AFF2: variants seen among roughly 807,000 people sequenced by gnomAD.
The protein encoded by AFF2 is AF4/FMR2 family member 2.
In AFF2, 14 loss-of-function variants were observed where a neutral mutation model predicts 76.9. The ratio of observed to expected loss-of-function variants is 0.18; its 90% CI spans 0.12 to 0.28. The LOEUF (loss-of-function observed/expected upper bound fraction) is 0.28, where lower values mean the gene tolerates loss of function less well. Among genes scored for constraint, AFF2 ranks in the 10% least tolerant of loss-of-function variants. The probability of loss-of-function intolerance (pLI) is 1.00; values close to 1 mark genes in which losing one functional copy is unlikely to be tolerated. For synonymous variants in AFF2, 398 were observed against 366.7 expected (o/e 1.09, Z -0.98); for missense variants, 868 against 1,001.1 (o/e 0.87, Z 1.79).
rs1242825974 is a variant in AFF2, at chrX:148,996,589, A to G, written c.*5257A>G. ...CACACACACAAACTCACCCTTACAC[A>G]CACACTTCGATGACTAAAACAATTA... On this transcript the variant is annotated 3_prime_UTR_variant, in exon 21 of 21. Transcript: ENST00000370460. The G allele has an allele frequency of 8.9e-6, 1 of 112,280 alleles. No homozygotes were observed. The highest frequency in any genetic ancestry group is 2.8e-4 in the East Asian group (1 of 3,575). The allele number at this position is 112,280 out of a possible 1,213,427, so 9.3% of individuals were successfully genotyped here. A position where few individuals can be genotyped will look rare whatever the true frequency, so the allele number is the denominator to read the frequency against.
At chrX:148,744,448 T>A (rs1190609780) in intron 3 of AFF2, among the ~76,000 whole-genome samples, 1 of 112,378 alleles carries the variant, frequency 8.9e-6, no homozygotes, top group East Asian at 2.8e-4. Flanking sequence ...AATGTTTTGG[T>A]TTATTTCCTT....
In AFF2 at chrX:148,997,107, A is replaced by T. The variant is rs1178303382; in HGVS notation, c.*5775A>T. ...TTGTTAACATTTGTTTTTAGTTAAA[A>T]GTATCTACTTACTGTTTTAGCTCTG... is the stretch of plus-strand genomic sequence containing the variant. On this transcript the variant is annotated 3_prime_UTR_variant, in exon 21 of 21. Coordinates refer to ENST00000370460, the MANE Select transcript of AFF2 (RefSeq NM_002025.4). 8.9e-6 allele frequency: 1 copy of T among 112,281 alleles called. No homozygotes were observed. The highest frequency in any genetic ancestry group is 1.9e-5 in the Non-Finnish European group (1 of 53,212). The allele number at this position is 112,281 out of a possible 1,213,427, so 9.3% of individuals were successfully genotyped here.
At chrX:148,655,895 G>A (rs918054574) in intron 2 of AFF2, among the ~76,000 whole-genome samples, 1 of 111,660 alleles carries the variant, frequency 9.0e-6, no homozygotes, top group African/African-American at 3.3e-5. Flanking sequence ...CCCTAAGATA[G>A]CAGTGGGAGT....
At chrX:148,706,525 T>G (rs782069560) in intron 3 of AFF2, among the ~76,000 whole-genome samples, 2 of 112,551 alleles carry the variant, frequency 1.8e-5, no homozygotes, top group Admixed American at 9.4e-5. Context: ...TACCTTCACT[T>G]TATTGGAGTT....
chrX:148,814,920 C>T (rs899869493), intron 4 of AFF2, among the ~76,000 whole-genome samples: 2 of 111,658 alleles, frequency 1.8e-5, no homozygotes, highest in East Asian at 2.8e-4. Context: ...CATAACTATG[C>T]AGCATAATCA....
intron 9 of AFF2, among the ~76,000 whole-genome samples, chrX:148,949,185 A>G (rs2071935940): frequency 9.0e-6 from 1 of 111,082 alleles, no homozygotes; most frequent in Non-Finnish European, 1.9e-5. Flanking sequence ...TGGCCTCTCC[A>G]TCTTATCTGC....
At chrX:148,848,080 C>T (rs1354071359) in intron 7 of AFF2, among the ~76,000 whole-genome samples, 4 of 110,704 alleles carry the variant, frequency 3.6e-5, no homozygotes, top group Non-Finnish European at 7.6e-5. Context: ...TCTCATCCTG[C>T]TGAGTTGCCT....
intron 8 of AFF2, among the ~76,000 whole-genome samples, chrX:148,902,917 A>G (rs782409572): frequency 2.2e-4 from 25 of 111,657 alleles, no homozygotes; most frequent in Non-Finnish European, 4.1e-4. Flanking sequence ...ATGGATTTCC[A>G]GCACTAACAT....
At chrX:148,799,551 A>G (rs782651620) in intron 3 of AFF2, among the ~76,000 whole-genome samples, 1 of 112,173 alleles carries the variant, frequency 8.9e-6, no homozygotes, top group South Asian at 3.8e-4. Context: ...CTTTGAGAAG[A>G]AAAGAAAATC....
intron 3 of AFF2, among the ~76,000 whole-genome samples, chrX:148,743,090 C>T (rs1167686455): frequency 2.7e-5 from 3 of 112,129 alleles, no homozygotes; most frequent in Non-Finnish European, 5.6e-5. Flanking sequence ...CACTTTCTCT[C>T]TCTAAAACTG....
intron 3 of AFF2, among the ~76,000 whole-genome samples, chrX:148,674,407 G>A (rs1603274103): frequency 9.0e-6 from 1 of 111,472 alleles, no homozygotes; most frequent in African/African-American, 3.3e-5. Flanking sequence ...TTTAGAAAGT[G>A]GGGAAAGTCA....
intron 3 of AFF2, among the ~76,000 whole-genome samples, chrX:148,732,015 G>A (rs1557264704): frequency 7.4e-5 from 4 of 53,929 alleles, no homozygotes; most frequent in South Asian, 1.1e-3. Flanking sequence ...AGTCAGTGTG[G>A]CGATTCCTCA....
chrX:148,721,757 G>A (rs1252879562), intron 3 of AFF2, among the ~76,000 whole-genome samples: 3 of 112,380 alleles, frequency 2.7e-5, no homozygotes, highest in African/African-American at 9.7e-5. Context: ...AGACTGCGGT[G>A]ATGGCAGGGC....
In AFF2 at chrX:148,966,758, T is replaced by C. The variant is rs781850588; in HGVS notation, c.2914-32T>C. 4 of 1,202,157 alleles carry C rather than the reference T, an allele frequency of 3.3e-6. No homozygotes were observed. In the East Asian group the frequency reaches 8.9e-5, roughly 27 times the overall value. ...ACAAGGTGTTTTAAAAAGCTGGACCTAATGGAAACTATTTGTCCTCCTTTT... is the reference window on the plus strand; with the variant it reads ...ACAAGGTGTTTTAAAAAGCTGGACCCAATGGAAACTATTTGTCCTCCTTTT... On this transcript the variant is annotated intron_variant, in intron 13 of 20. Transcript: ENST00000370460.
At chrX:148,536,357 G>T (rs1161109331) in intron 1 of AFF2, among the ~76,000 whole-genome samples, 1 of 111,568 alleles carries the variant, frequency 9.0e-6, no homozygotes, top group East Asian at 2.8e-4. Context: ...AAGCCTGGAG[G>T]GCTGGGGGTG....
intron 1 of AFF2, among the ~76,000 whole-genome samples, chrX:148,508,778 G>A (rs1353117182): frequency 9.0e-6 from 1 of 111,580 alleles, no homozygotes; most frequent in Non-Finnish European, 1.9e-5. Flanking sequence ...GCCGTGGAGA[G>A]GTCTCATCAA....
intron 4 of AFF2, among the ~76,000 whole-genome samples, chrX:148,837,444 G>C (rs1603309456): frequency 9.0e-6 from 1 of 111,516 alleles, no homozygotes; most frequent in African/African-American, 3.3e-5. Context: ...CATGGAGCAG[G>C]CTACTTCAAG....
At chrX:148,807,231 A>T (rs1249034185) in intron 3 of AFF2, among the ~76,000 whole-genome samples, 1 of 111,916 alleles carries the variant, frequency 8.9e-6, no homozygotes, top group African/African-American at 3.3e-5. Context: ...AGTAGAGATG[A>T]TATTTTCAGT....
At chrX:148,960,037 TTGGTTCTTACCAAA>T (rs2072090262) in intron 12 of AFF2, among the ~76,000 whole-genome samples, 1 of 112,213 alleles carries the variant, frequency 8.9e-6, no homozygotes, top group African/African-American at 3.2e-5. Context: ...GTCATTTGAG[TTGGTTCTTACCAAA>T]TGTCACACTC....
Sources: allele counts gnomAD v4.1 joint callset (sites outside exome capture counted in the v4.1 genomes callset), GRCh38; gene constraint gnomAD v4.1.1; transcripts MANE v1.5; gene names NCBI Gene and HGNC (gene_info 2026-07-23, HGNC 2026-07-21).